The following PHF14 variants were observed in gnomAD, a reference collection of about 807,000 sequenced individuals.
PHF14 encodes the protein PHD finger protein 14.
A neutral mutation model predicts 117.9 loss-of-function variants in PHF14; 55 were observed. The observed-to-expected ratio is 0.47, with a 90% CI of 0.38 to 0.58. The LOEUF is 0.58. PHF14 is among the 20% of genes least tolerant of loss of function. PHF14 has a pLI of 0.00. For missense variants in PHF14, 978 were observed against 1,122.2 expected, an observed-to-expected ratio of 0.87 and a Z score of 1.84; for synonymous variants, 409 against 368.6, an observed-to-expected ratio of 1.11 and a Z score of -1.26.
At chr7:11,120,642 A>G (rs971866860) in intron 17 of PHF14, among the ~76,000 whole-genome samples, 2 of 152,026 alleles carry the variant, frequency 1.3e-5, no homozygotes, top group Non-Finnish European at 2.9e-5. Flanking sequence ...TTTAAAGTAT[A>G]TGCTATCCTA....
intron 16 of PHF14, among the ~76,000 whole-genome samples, chr7:11,083,064 C>G (rs1410082837): frequency 6.6e-6 from 1 of 152,076 alleles, no homozygotes; most frequent in Non-Finnish European, 1.5e-5. Flanking sequence ...ATGTGCACAC[C>G]TTATCTAAGA....
intron 4 of PHF14, among the ~76,000 whole-genome samples, chr7:10,993,094 T>A (rs1782519249): frequency 6.6e-6 from 1 of 152,196 alleles, no homozygotes; most frequent in Non-Finnish European, 1.5e-5. Context: ...TACTATTACT[T>A]TTTTTCTCAT....
chr7:11,140,149 C>T (rs1032362256), intron 17 of PHF14, among the ~76,000 whole-genome samples: 1 of 152,068 alleles, frequency 6.6e-6, no homozygotes, highest in Non-Finnish European at 1.5e-5. Context: ...CATACCCCTG[C>T]ACACACCTGT....
At chr7:11,169,097 G>GT (rs967685969) in intron 17 of PHF14, among the ~76,000 whole-genome samples, 10 of 151,874 alleles carry the variant, frequency 6.6e-5, no homozygotes, top group African/African-American at 1.9e-4. Context: ...TAAATTTATT[G>GT]TTTTTTGTCA....
At chr7:11,105,108 G>A (rs968764707) in intron 16 of PHF14, 5 of 967,912 alleles carry the variant, frequency 5.2e-6, no homozygotes, top group Non-Finnish European at 4.9e-6. Context: ...CATAGCCTGT[G>A]TTCACAATTC....
intron 16 of PHF14, chr7:11,106,467 A>G: frequency 2.1e-6 from 2 of 950,474 alleles, no homozygotes; most frequent in African/African-American, 1.8e-5. Flanking sequence ...AAATTGTTGT[A>G]AATTACAAGG....
Position 11,070,471 on chromosome 7 carries a change from C to A in PHF14, c.2654+8386C>A, listed in dbSNP as rs1240976173. On this transcript the variant is annotated intron_variant, in intron 16 of 17. Transcript: ENST00000634607. ...CACCATGGTATTTTCTTTAGTCATG[C>A]TGGCCTTTTCAGTGTTCACTGTAAC... Among the ~76,000 whole-genome samples, 10 of 152,310 alleles carry A rather than the reference C, an allele frequency of 6.6e-5. No homozygotes were observed. The South Asian group carries it at 2.1e-3, about 32-fold the overall frequency.
At chr7:11,094,710 C>A (rs546318319) in intron 16 of PHF14, among the ~76,000 whole-genome samples, 2 of 152,276 alleles carry the variant, frequency 1.3e-5, no homozygotes, top group East Asian at 3.9e-4. Context: ...TATTAGCCAA[C>A]ATTTCACCTT....
chr7:11,053,249 C>CAGCTTG (rs1214651685), intron 14 of PHF14, among the ~76,000 whole-genome samples: 1 of 152,028 alleles, frequency 6.6e-6, no homozygotes, highest in Non-Finnish European at 1.5e-5. Flanking sequence ...TCAGGAGATT[C>CAGCTTG]AGCTTGATTT....
intron 4 of PHF14, among the ~76,000 whole-genome samples, chr7:10,991,180 T>G (rs1686679844): frequency 6.6e-6 from 1 of 151,854 alleles, no homozygotes. Context: ...TATTTTATTT[T>G]TATTTATTTA....
At chr7:11,026,507 T>C (rs1454320255) in intron 6 of PHF14, among the ~76,000 whole-genome samples, 1 of 152,160 alleles carries the variant, frequency 6.6e-6, no homozygotes, top group African/African-American at 2.4e-5. Flanking sequence ...TTAACAGATG[T>C]ATTTATTGGG....
intron 4 of PHF14, among the ~76,000 whole-genome samples, chr7:11,004,350 G>C (rs1286458862): frequency 2.0e-5 from 2 of 102,464 alleles, no homozygotes; most frequent in Admixed American, 2.0e-4. Flanking sequence ...GTTCTTCCAG[G>C]CTTTTTTTTT....
At chr7:11,149,143 A>G (rs1198817777) in intron 17 of PHF14, among the ~76,000 whole-genome samples, 1 of 152,164 alleles carries the variant, frequency 6.6e-6, no homozygotes, top group Non-Finnish European at 1.5e-5. Context: ...TCTGACACCA[A>G]AGCCTGTGCA....
chr7:11,167,004 A>G (rs530326831), intron 17 of PHF14, among the ~76,000 whole-genome samples: 3 of 152,322 alleles, frequency 2.0e-5, no homozygotes, highest in Admixed American at 2.0e-4. Context: ...CATATATTTA[A>G]AACATATTCA....
At chr7:11,059,686 A>G (rs1364368496) in intron 14 of PHF14, among the ~76,000 whole-genome samples, 1 of 152,028 alleles carries the variant, frequency 6.6e-6, no homozygotes, top group East Asian at 1.9e-4. Context: ...AGGTGTGAGA[A>G]TCGCTTGAAC....
rs1782586046 is a variant in PHF14, at chr7:10,995,030, A to G, written c.1045+4183A>G. On this transcript the variant is annotated intron_variant, in intron 4 of 17. Transcript: ENST00000634607. ...ATTGGTCTGTTTTGACAGGGTGCTG[A>G]TTGGTGTGTTTACAATCCCTGAGAT... is the stretch of plus-strand genomic sequence containing the variant. Among the ~76,000 whole-genome samples, 3 of 152,232 alleles carry G rather than the reference A, an allele frequency of 2.0e-5. No individual in the cohort carries two copies. The East Asian group carries it at 5.8e-4, about 29-fold the overall frequency.
chr7:11,068,110 G>A (rs1275376207), intron 16 of PHF14, among the ~76,000 whole-genome samples: 2 of 152,104 alleles, frequency 1.3e-5, no homozygotes, highest in Non-Finnish European at 2.9e-5. Flanking sequence ...CAGCACTTCG[G>A]AAGGCCAAGG....
At chr7:11,125,876 G>C (rs888562845) in intron 17 of PHF14, among the ~76,000 whole-genome samples, 1 of 151,954 alleles carries the variant, frequency 6.6e-6, no homozygotes, top group Non-Finnish European at 1.5e-5. Context: ...TTTTTGTTAA[G>C]GGTACCTTCA....
intron 16 of PHF14, chr7:11,071,403 C>G: frequency 2.7e-6 from 1 of 363,666 alleles, no homozygotes; most frequent in Non-Finnish European, 5.5e-6. Context: ...AGAATGGAAG[C>G]CAGTTTTCCA....
Sources: allele counts gnomAD v4.1 joint callset (sites outside exome capture counted in the v4.1 genomes callset), GRCh38; gene constraint gnomAD v4.1.1; transcripts MANE v1.5; gene names NCBI Gene and HGNC (gene_info 2026-07-23, HGNC 2026-07-21).